The following PMFBP1 variants were observed in gnomAD, a reference collection of about 807,000 sequenced individuals.
PMFBP1 encodes polyamine modulated factor 1 binding protein 1.
In PMFBP1, 131 loss-of-function variants were observed where a neutral mutation model predicts 137.8. The observed-to-expected ratio is 0.95, with a 90% CI of 0.82 to 1.10. PMFBP1 has a LOEUF of 1.10. Among genes scored for constraint, PMFBP1 ranks in the 50% least tolerant of loss-of-function variants. PMFBP1 has a pLI of 0.00. For synonymous variants in PMFBP1, 490 were observed against 450.4 expected (o/e 1.09, Z -1.11); for missense variants, 1,199 against 1,175.4 (o/e 1.02, Z -0.29).
the PMFBP1 span, among the ~76,000 whole-genome samples, chr16:72,201,535 G>A: frequency 4.3e-4 from 66 of 152,296 alleles, no homozygotes; most frequent in East Asian, 0.01. Flanking sequence ...AGAATACGAT[G>A]GGGAACACTT....
intron 3 of PMFBP1, among the ~76,000 whole-genome samples, chr16:72,160,456 T>C (rs770617517): frequency 6.6e-5 from 10 of 152,244 alleles, no homozygotes; most frequent in Non-Finnish European, 8.8e-5. Context: ...CTTCGAAGTA[T>C]GTCATCAGGC....
chr16:72,164,709 A>T, intron 3 of PMFBP1, 55 bp downstream of exon 3: 2 of 1,539,202 alleles, frequency 1.3e-6, no homozygotes, highest in Non-Finnish European at 1.8e-6. Flanking sequence ...CGCCCAAGGG[A>T]GCAGAGGCAG....
the PMFBP1 span, among the ~76,000 whole-genome samples, chr16:72,183,592 C>G: frequency 6.6e-6 from 1 of 152,118 alleles, no homozygotes; most frequent in African/African-American, 2.4e-5. Context: ...TTGACCTCAT[C>G]TTAACTCATT....
At chr16:72,120,233 G>T in intron 19 of PMFBP1, 144 bp from the exon 20 acceptor site, 1 of 1,363,580 alleles carries the variant, frequency 7.3e-7, no homozygotes, top group Non-Finnish European at 1.0e-6. Context: ...CACATGCTCT[G>T]TAGAAATGGA....
Position 72,136,489 on chromosome 16 carries a change from C to T in PMFBP1, c.1162G>A (p.Glu388Lys). 6.2e-7 allele frequency: 1 copy of T among 1,614,044 alleles called. No individual in the cohort carries two copies. ...LQCRLQELQLEFTETQKLTLK... is the reference protein window; with the variant it reads ...LQCRLQELQLKFTETQKLTLK... ...GTGAGCTTTTGGGTCTCGGTGAACT[C>T]CAGCTGCAGCTCCTGCAGCCGGCAC... Residue 388 changes from glutamate to lysine, a missense_variant, in exon 9 of 21, where the codon GAG becomes AAG. Transcript: ENST00000237353.
At chr16:72,163,771 G>A (rs372722175) in intron 3 of PMFBP1, among the ~76,000 whole-genome samples, 23 of 152,318 alleles carry the variant, frequency 1.5e-4, no homozygotes, top group African/African-American at 5.1e-4. Flanking sequence ...GGCATTCACA[G>A]CAACCTGGAT....
At chr16:72,149,652 G>A (rs1207701145) in intron 5 of PMFBP1, among the ~76,000 whole-genome samples, 2 of 152,114 alleles carry the variant, frequency 1.3e-5, no homozygotes, top group African/African-American at 4.8e-5. Flanking sequence ...GCGAAACCAT[G>A]TCTCTACTAA....
the PMFBP1 span, among the ~76,000 whole-genome samples, chr16:72,244,642 T>C: frequency 6.6e-6 from 1 of 152,190 alleles, no homozygotes; most frequent in Non-Finnish European, 1.5e-5. Context: ...CCTCCAAAAC[T>C]GGGTGGAAAA....
the PMFBP1 span, among the ~76,000 whole-genome samples, chr16:72,223,427 G>A: frequency 6.6e-6 from 1 of 152,202 alleles, no homozygotes; most frequent in African/African-American, 2.4e-5. Context: ...TTGTAACCCA[G>A]AAGATGCCAA....
the PMFBP1 span, among the ~76,000 whole-genome samples, chr16:72,233,043 T>C: frequency 6.6e-6 from 1 of 152,106 alleles, no homozygotes; most frequent in Non-Finnish European, 1.5e-5. Flanking sequence ...CCATTTATAT[T>C]GGTAAAAATG....
intron 3 of PMFBP1, among the ~76,000 whole-genome samples, chr16:72,160,350 C>G (rs2043043297): frequency 6.6e-6 from 1 of 152,140 alleles, no homozygotes; most frequent in Non-Finnish European, 1.5e-5. Context: ...CTTCATTTAC[C>G]CTTTTTCAGT....
At chr16:72,135,359 G>GTTTTTTTT (rs869071984) in intron 9 of PMFBP1, among the ~76,000 whole-genome samples, 1 of 131,434 alleles carries the variant, frequency 7.6e-6, no homozygotes, top group Non-Finnish European at 1.7e-5. Context: ...GTGTGTGTGT[G>GTTTTTTTT]TTTTTTTTTT....
At chr16:72,167,032 C>A (rs1597492817) in intron 2 of PMFBP1, among the ~76,000 whole-genome samples, 2 of 152,344 alleles carry the variant, frequency 1.3e-5, no homozygotes, top group African/African-American at 2.4e-5. Flanking sequence ...GCCCTCATAT[C>A]CAACTGACTG....
chr16:72,163,885 C>T (rs1038210213), intron 3 of PMFBP1, among the ~76,000 whole-genome samples: 1 of 144,840 alleles, frequency 6.9e-6, no homozygotes, highest in Admixed American at 7.0e-5. Context: ...GATGCAAAGG[C>T]ATAAGAGTGA....
chr16:72,203,003 G>C, the PMFBP1 span, among the ~76,000 whole-genome samples: 5 of 152,122 alleles, frequency 3.3e-5, no homozygotes, highest in Non-Finnish European at 7.4e-5. Context: ...TTCAGACTTG[G>C]AAATTCACCC....
At position 72,126,033 on chromosome 16, in the gene PMFBP1, C is replaced by A. The variant is rs1163968599; in HGVS notation, c.2188G>T (p.Ala730Ser). 6.2e-7 allele frequency: 1 copy of A among 1,614,082 alleles called. No individual in the cohort carries two copies. The highest frequency in any genetic ancestry group is 1.3e-5 in the African/African-American group (1 of 74,932). The part of the protein sequence containing the change: ...HYLQTTITKE[A>S]YDALSRKSAA... ...GACTTCCGGGATAATGCATCATAGG[C>A]TTCTTTGGTGATGGTAGTCTGGAGA... is the stretch of plus-strand genomic sequence containing the variant. Residue 730 changes from alanine to serine, a missense_variant, in exon 15 of 21, where the codon GCC (alanine) becomes TCC (serine). By Grantham distance (99) the Ala-to-Ser change is moderately conservative. Transcript: ENST00000237353.
chr16:72,153,714 T>C (rs1023059200), intron 4 of PMFBP1, among the ~76,000 whole-genome samples: 1 of 148,840 alleles, frequency 6.7e-6, no homozygotes, highest in African/African-American at 2.5e-5. Flanking sequence ...TCTGAAAAAA[T>C]TACCTGGTAC....
At chr16:72,225,187 A>AC in the PMFBP1 span, 4 of 152,198 alleles carry the variant, frequency 2.6e-5, no homozygotes, top group African/African-American at 9.7e-5. Context: ...CAGAATAGTT[A>AC]CTTCTTTAAG....
chr16:72,130,677 C>T lies in PMFBP1; in HGVS notation c.1493G>A (p.Cys498Tyr), dbSNP rs2042536766. The T allele has an allele frequency of 6.2e-7, 1 of 1,613,726 alleles. No homozygotes were observed. Among genetic ancestry groups the T allele is most frequent in the Non-Finnish European group, 8.5e-7 (1 of 1,179,984 alleles). Residue 498 changes from cysteine (C) to tyrosine (Y), a missense_variant, in exon 11 of 21, where the codon TGT (cysteine) becomes TAT (tyrosine). Physicochemically the swap from Cys to Tyr is radical, Grantham distance 194. Coordinates refer to ENST00000237353, the MANE Select transcript of PMFBP1 (RefSeq NM_031293.3). ...QCKEEAALAGCHLEDTQRKLQ... is the reference protein window; with the variant it reads ...QCKEEAALAGYHLEDTQRKLQ... ...TTTCCTCTGGGTGTCCTCCAGGTGA[C>T]AGCCTGCCAGTGCAGCCTCTTCTTT...
Sources: gnomAD v4.1 joint callset for allele counts (sites outside exome capture counted in the v4.1 genomes callset) on GRCh38, gnomAD v4.1.1 for gene constraint, MANE v1.5 for transcripts, NCBI Gene and HGNC (gene_info 2026-07-23, HGNC 2026-07-21) for gene names.